The following C1orf185 variants were observed in gnomAD, a reference collection of about 807,000 sequenced individuals.
C1orf185 encodes uncharacterized protein C1orf185.
Under a neutral mutation model 16.1 loss-of-function variants are expected in C1orf185, and 13 were observed. The ratio of observed to expected loss-of-function variants is 0.81; its 90% CI spans 0.53 to 1.28. C1orf185 has a LOEUF of 1.28. C1orf185 is among the 50% of genes most tolerant of loss of function. The pLI is 0.00. For missense variants in C1orf185, 220 were observed against 225.2 expected (o/e 0.98, Z 0.15); for synonymous variants, 80 against 76.9 (o/e 1.04, Z -0.21).
Position 51,118,698 on chromosome 1 carries a change from T to C in C1orf185, c.155T>C (p.Ile52Thr). ...TTTCAAAATTCCAAATTTAAAGCAATTGATGAGAGATGCAGGCAAAGACCA... is the reference window on the plus strand; with the variant it reads ...TTTCAAAATTCCAAATTTAAAGCAACTGATGAGAGATGCAGGCAAAGACCA... ...EIFQNSKFKA[I>T]DERCRQRPSM... The change falls in exon 3 of 5, where the codon ATT becomes ACT. Residue 52 changes from isoleucine to threonine, a missense_variant. Physicochemically the swap from Ile to Thr is moderately conservative, Grantham distance 89. Coordinates refer to ENST00000371759, the MANE Select transcript of C1orf185 (RefSeq NM_001136508.2). 1.4e-6 allele frequency: 2 copies of C among 1,446,972 alleles called. No homozygotes were observed. Among genetic ancestry groups the C allele is most frequent in the Admixed American group, 2.4e-5 (1 of 41,992 alleles). The allele number at this position is 1,446,972 out of a possible 1,614,324, so 89.6% of individuals were successfully genotyped here.
intron 1 of C1orf185, among the ~76,000 whole-genome samples, chr1:51,107,049 G>A (rs911846404): frequency 6.6e-6 from 1 of 152,264 alleles, no homozygotes; most frequent in South Asian, 2.1e-4. Context: ...GAGCCACCGC[G>A]CCTGGCCCAG....
rs866804186 is a variant in C1orf185 at position 51,118,865 on chromosome 1, T to C, written c.258+64T>C. On this transcript the variant is annotated intron_variant, in intron 3 of 4. Coordinates refer to ENST00000371759, the MANE Select transcript of C1orf185 (RefSeq NM_001136508.2). The stretch of plus-strand genomic sequence containing the variant: ...TTCTTTTGATACCATGTTATTAGCA[T>C]TGCTGTCTTAAAATCTGAAGGACAG... The C allele has an allele frequency of 4.4e-5, 52 of 1,169,050 alleles. 1 individual carries two copies. The South Asian group carries it at 1.4e-3, about 31-fold the overall frequency. The allele number at this position is 1,169,050 out of a possible 1,614,324, so 72.4% of individuals were successfully genotyped here.
At chr1:51,106,813 AGT>A (rs1250655926) in intron 1 of C1orf185, among the ~76,000 whole-genome samples, 1 of 145,334 alleles carries the variant, frequency 6.9e-6, no homozygotes, top group African/African-American at 2.6e-5. Context: ...GCTGGAGTGC[AGT>A]GGTGCAATCT....
intron 4 of C1orf185, 81 bp from the exon 5 acceptor site, chr1:51,147,386 T>C: frequency 7.8e-7 from 1 of 1,276,880 alleles, no homozygotes; most frequent in Non-Finnish European, 1.1e-6. Context: ...TATAGCATTA[T>C]CCTGCCCATT....
At chr1:51,147,304 A>C (rs2148035258) in intron 4 of C1orf185, among the ~76,000 whole-genome samples, 163 bp from the exon 5 acceptor site, 1 of 152,186 alleles carries the variant, frequency 6.6e-6, no homozygotes, top group East Asian at 1.9e-4. Flanking sequence ...TCTATTCTTG[A>C]TTATCATGAA....
intron 3 of C1orf185, among the ~76,000 whole-genome samples, chr1:51,139,721 A>T (rs1020729215): frequency 6.6e-6 from 1 of 152,154 alleles, no homozygotes; most frequent in African/African-American, 2.4e-5. Context: ...TTCATTTTTT[A>T]AAACTTGTAC....
intron 3 of C1orf185, among the ~76,000 whole-genome samples, chr1:51,121,062 G>A (rs1483945627): frequency 2.6e-5 from 4 of 152,134 alleles, no homozygotes; most frequent in Non-Finnish European, 5.9e-5. Flanking sequence ...GCTAAATAAT[G>A]TTAGTTAACA....
At chr1:51,141,167 T>G (rs948722907) in intron 3 of C1orf185, among the ~76,000 whole-genome samples, 2 of 152,204 alleles carry the variant, frequency 1.3e-5, no homozygotes, top group African/African-American at 4.8e-5. Context: ...GAAGTTTTGC[T>G]ATGTTGAACA....
chr1:51,122,747 T>G (rs1261921175), intron 3 of C1orf185, among the ~76,000 whole-genome samples: 1 of 152,198 alleles, frequency 6.6e-6, no homozygotes, highest in Non-Finnish European at 1.5e-5. Context: ...GATTTATCCC[T>G]CCCTCTGCTC....
intron 3 of C1orf185, among the ~76,000 whole-genome samples, chr1:51,144,600 C>A (rs763928641): frequency 2.6e-5 from 4 of 152,084 alleles, no homozygotes; most frequent in Non-Finnish European, 5.9e-5. Flanking sequence ...GTTGTTCCAG[C>A]TACTCAGGAG....
intron 2 of C1orf185, 30 bp downstream of exon 2, chr1:51,112,599 T>C: frequency 2.1e-6 from 3 of 1,460,892 alleles, no homozygotes; most frequent in Non-Finnish European, 2.8e-6. Flanking sequence ...TTCTTTAACC[T>C]TTTTTTCTTT....
chr1:51,121,812 A>G (rs1270111126), intron 3 of C1orf185, among the ~76,000 whole-genome samples: 1 of 152,150 alleles, frequency 6.6e-6, no homozygotes, highest in Non-Finnish European at 1.5e-5. Context: ...TAAATAATAA[A>G]TGGATTTTTT....
chr1:51,110,899 T>TGAGG (rs1365611966), intron 1 of C1orf185, among the ~76,000 whole-genome samples: 2 of 148,628 alleles, frequency 1.3e-5, no homozygotes, highest in African/African-American at 2.5e-5. Flanking sequence ...AACCCAGGAG[T>TGAGG]CGGAGGTTGC....
At chr1:51,116,950 T>C (rs1014314669) in intron 2 of C1orf185, among the ~76,000 whole-genome samples, 1 of 152,202 alleles carries the variant, frequency 6.6e-6, no homozygotes, top group African/African-American at 2.4e-5. Context: ...TCTAACCAGG[T>C]TAATTCCCTT....
chr1:51,120,243 C>T (rs1385333586), intron 3 of C1orf185, among the ~76,000 whole-genome samples: 1 of 152,046 alleles, frequency 6.6e-6, no homozygotes, highest in Non-Finnish European at 1.5e-5. Context: ...TGAAGTTTAC[C>T]CCTTAGGCCG....
intron 2 of C1orf185, among the ~76,000 whole-genome samples, chr1:51,117,527 C>T (rs1030705270): frequency 2.0e-5 from 3 of 152,166 alleles, no homozygotes; most frequent in Admixed American, 1.3e-4. Context: ...CCTCCCTCCC[C>T]CTAACTCCTG....
chr1:51,125,732 C>T (rs932222935), intron 3 of C1orf185, among the ~76,000 whole-genome samples: 2 of 152,194 alleles, frequency 1.3e-5, no homozygotes, highest in Admixed American at 1.3e-4. Flanking sequence ...ATATGTCACC[C>T]TGAGCTGGAG....
At chr1:51,137,770 T>C (rs898289016) in intron 3 of C1orf185, among the ~76,000 whole-genome samples, 2 of 152,194 alleles carry the variant, frequency 1.3e-5, no homozygotes, top group African/African-American at 2.4e-5. Flanking sequence ...ACTGCAGCAT[T>C]ATTCACAATG....
At chr1:51,109,903 A>AC (rs1646103440) in intron 1 of C1orf185, among the ~76,000 whole-genome samples, 2 of 151,710 alleles carry the variant, frequency 1.3e-5, no homozygotes, top group Non-Finnish European at 1.5e-5. Flanking sequence ...ACATTTTAGA[A>AC]TTTTTTCCTA....
Sources: gnomAD v4.1 joint callset for allele counts (sites outside exome capture counted in the v4.1 genomes callset) on GRCh38, gnomAD v4.1.1 for gene constraint, MANE v1.5 for transcripts, NCBI Gene and HGNC (gene_info 2026-07-23, HGNC 2026-07-21) for gene names.